Variants in SEMA6D observed in about 807,000 individuals in gnomAD.
SEMA6D encodes the protein semaphorin-6D.
Under a neutral mutation model 106.6 loss-of-function variants are expected in SEMA6D, and 35 were observed. The observed-to-expected ratio is 0.33, with a 90% CI of 0.25 to 0.44. The LOEUF (loss-of-function observed/expected upper bound fraction) is 0.44. SEMA6D is among the 20% of genes least tolerant of loss of function. SEMA6D has a pLI of 1.00. For missense variants in SEMA6D, 1,185 were observed against 1,345.9 expected, an observed-to-expected ratio of 0.88 and a Z score of 1.87; for synonymous variants, 499 against 487.7, an observed-to-expected ratio of 1.02 and a Z score of -0.31.
chr15:47,371,799 T>G (rs767158876), intron 1 of SEMA6D, among the ~76,000 whole-genome samples: 4 of 152,192 alleles, frequency 2.6e-5, no homozygotes, highest in Non-Finnish European at 4.4e-5. Context: ...ATGATGATGA[T>G]CATCATAGAA....
intron 1 of SEMA6D, among the ~76,000 whole-genome samples, chr15:47,233,385 T>C (rs918783130): frequency 1.3e-5 from 2 of 152,030 alleles, no homozygotes; most frequent in Non-Finnish European, 2.9e-5. Flanking sequence ...TTTAAACTTA[T>C]TCTTTCTTTT....
At chr15:47,594,057 G>A (rs1461407467) in intron 3 of SEMA6D, among the ~76,000 whole-genome samples, 6 of 152,204 alleles carry the variant, frequency 3.9e-5, no homozygotes, top group African/African-American at 1.4e-4. Flanking sequence ...CAATGCCTGA[G>A]GCAATTTTAA....
chr15:47,539,216 C>T lies in SEMA6D; in HGVS notation c.-86-61649C>T, dbSNP rs540128826. Among the ~76,000 whole-genome samples the T allele has an allele frequency of 4.6e-5, 7 of 152,310 alleles. 1 individual carries two copies. Among genetic ancestry groups the T allele is most frequent in the African/African-American group, 1.7e-4 (7 of 41,568 alleles). On this transcript the variant is annotated intron_variant, in intron 3 of 19. Coordinates refer to the SEMA6D transcript ENST00000558014. ...GTGATGTGCTTGTCATCACCTGGTA[C>T]TGCCACTGAAATTTCTACTAACGTG...
At chr15:47,253,948 G>A (rs1021708795) in intron 1 of SEMA6D, among the ~76,000 whole-genome samples, 1 of 152,042 alleles carries the variant, frequency 6.6e-6, no homozygotes, top group African/African-American at 2.4e-5. Context: ...TGGGTAGTAT[G>A]GACATTTTAA....
At position 47,431,447 on chromosome 15, in the gene SEMA6D, T is replaced by A. The variant is rs147244582; in HGVS notation, c.-159+18975T>A. ...ACCCAAATCTTTACCCCTTTTTCTG[T>A]ATCCTCATTATGAACATAATTTTCT... On this transcript the variant is annotated intron_variant, in intron 2 of 19. Coordinates refer to the SEMA6D transcript ENST00000558014. Among the ~76,000 whole-genome samples the A allele has an allele frequency of 1.2e-3, 185 of 152,254 alleles. 1 individual carries two copies. Among genetic ancestry groups the A allele is most frequent in the African/African-American group, 4.2e-3 (173 of 41,566 alleles).
At chr15:47,508,458 A>C (rs1480792196) in intron 3 of SEMA6D, among the ~76,000 whole-genome samples, 1 of 152,062 alleles carries the variant, frequency 6.6e-6, no homozygotes, top group Non-Finnish European at 1.5e-5. Flanking sequence ...GGAGTGGCGG[A>C]TTTTTCTGAA....
intron 1 of SEMA6D, among the ~76,000 whole-genome samples, chr15:47,200,843 C>T (rs1012082355): frequency 6.6e-6 from 1 of 152,164 alleles, no homozygotes; most frequent in Non-Finnish European, 1.5e-5. Context: ...CCAGCATTTG[C>T]TGGTTTCTAT....
intron 3 of SEMA6D, among the ~76,000 whole-genome samples, chr15:47,568,193 TA>T (rs61077223): frequency 0.26 from 36,855 of 141,074 alleles, 4,905 homozygotes; most frequent in East Asian, 0.44. Context: ...TTTTGCCATT[TA>T]AAAAAAAAAA....
chr15:47,658,770 A>G (rs2077856517), intron 4 of SEMA6D, among the ~76,000 whole-genome samples: 1 of 152,162 alleles, frequency 6.6e-6, no homozygotes. Context: ...AGCTTAAATT[A>G]TATTAAGCAA....
chr15:47,351,919 G>C (rs777951377), intron 1 of SEMA6D, among the ~76,000 whole-genome samples: 2 of 152,112 alleles, frequency 1.3e-5, no homozygotes, highest in African/African-American at 4.8e-5. Flanking sequence ...ATATAGCTTT[G>C]ACCAAAAGAA....
chr15:47,224,057 A>G (rs1002933673), intron 1 of SEMA6D, among the ~76,000 whole-genome samples: 2 of 152,052 alleles, frequency 1.3e-5, no homozygotes, highest in African/African-American at 4.8e-5. Flanking sequence ...ACCGAATGCT[A>G]GATGACGAGT....
intron 1 of SEMA6D, chr15:47,730,418 C>A (rs985528499): frequency 7.0e-6 from 10 of 1,422,110 alleles, no homozygotes; most frequent in Non-Finnish European, 9.8e-6. Flanking sequence ...CCCCATTTTA[C>A]GACACAGGGC....
chr15:47,635,947 A>C (rs1398972833), intron 4 of SEMA6D, among the ~76,000 whole-genome samples: 1 of 123,038 alleles, frequency 8.1e-6, no homozygotes, highest in Non-Finnish European at 1.7e-5. Context: ...AATTCACGAA[A>C]CTTAAATGCT....
At chr15:47,548,611 C>A (rs768299600) in intron 3 of SEMA6D, among the ~76,000 whole-genome samples, 1 of 152,012 alleles carries the variant, frequency 6.6e-6, no homozygotes, top group Non-Finnish European at 1.5e-5. Context: ...ACATTGTGCT[C>A]CATAAAAAAA....
In SEMA6D at chr15:47,730,989, C is replaced by T; in HGVS notation, c.-55+13297C>T. ...TCCTATTTTAATTACCTAAGCAGTA[C>T]AATCAAATACCATGCTGATTTTAGA... On this transcript the variant is annotated intron_variant, in intron 1 of 18. Transcript: ENST00000536845. The T allele has an allele frequency of 1.1e-5, 7 of 627,072 alleles. No individual in the cohort carries two copies. The South Asian group carries it at 1.3e-4, about 12-fold the overall frequency. The allele number at this position is 627,072 out of a possible 1,614,324, so 38.8% of individuals were successfully genotyped here. A position where few individuals can be genotyped will look rare whatever the true frequency, so the allele number is the denominator to read the frequency against.
chr15:47,256,593 G>T (rs1004501156), intron 1 of SEMA6D, among the ~76,000 whole-genome samples: 8 of 152,150 alleles, frequency 5.3e-5, no homozygotes, highest in African/African-American at 1.9e-4. Flanking sequence ...AGGTGTGGTG[G>T]CTCACACCTG....
intron 2 of SEMA6D, among the ~76,000 whole-genome samples, chr15:47,465,850 G>A (rs1348835170): frequency 1.3e-5 from 2 of 151,928 alleles, no homozygotes; most frequent in Non-Finnish European, 1.5e-5. Flanking sequence ...ATAGCAATGC[G>A]AAAATGGACT....
intron 1 of SEMA6D, among the ~76,000 whole-genome samples, chr15:47,344,526 A>G (rs1441999811): frequency 3.9e-5 from 6 of 152,152 alleles, no homozygotes; most frequent in Non-Finnish European, 7.4e-5. Flanking sequence ...AGACCAAGGA[A>G]GATCATGGTA....
intron 1 of SEMA6D, among the ~76,000 whole-genome samples, chr15:47,257,293 G>A (rs1311151848): frequency 2.0e-5 from 3 of 152,082 alleles, no homozygotes; most frequent in East Asian, 1.9e-4. Flanking sequence ...TCCTGACTTC[G>A]TGATCCACCC....
Sources: gnomAD v4.1 joint callset for allele counts (sites outside exome capture counted in the v4.1 genomes callset) on GRCh38, gnomAD v4.1.1 for gene constraint, MANE v1.5 for transcripts, NCBI Gene and HGNC (gene_info 2026-07-23, HGNC 2026-07-21) for gene names.